NTM: variants seen among roughly 807,000 people sequenced by gnomAD.
NTM encodes neurotrimin, also known as IgLON family member 2.
In NTM, 13 loss-of-function variants were observed where a neutral mutation model predicts 42.1. The observed-to-expected ratio is 0.31, with a 90% CI of 0.20 to 0.49. NTM has a LOEUF of 0.49. Among genes scored for constraint, NTM ranks in the 20% least tolerant of loss-of-function variants. NTM has a pLI of 0.99. For missense variants in NTM, 373 were observed against 452.8 expected, an observed-to-expected ratio of 0.82 and a Z score of 1.60; for synonymous variants, 187 against 179.2, an observed-to-expected ratio of 1.04 and a Z score of -0.35.
intron 2 of NTM, among the ~76,000 whole-genome samples, chr11:132,074,816 C>T (rs921186256): frequency 4.6e-5 from 7 of 152,068 alleles, no homozygotes; most frequent in African/African-American, 1.7e-4. Flanking sequence ...AAAAATAATA[C>T]AGTATGTAGT....
At chr11:132,237,549 C>T (rs780200111) in intron 4 of NTM, among the ~76,000 whole-genome samples, 1 of 152,140 alleles carries the variant, frequency 6.6e-6, no homozygotes, top group Non-Finnish European at 1.5e-5. Context: ...CGTTTTCAGC[C>T]CGTTTGTGGA....
At chr11:131,665,712 A>G (rs1201438455) in intron 1 of NTM, among the ~76,000 whole-genome samples, 2 of 152,232 alleles carry the variant, frequency 1.3e-5, no homozygotes, top group East Asian at 3.8e-4. Context: ...GCAAACTAAC[A>G]AAGTCACAAA....
chr11:131,531,389 C>T (rs1158494687), intron 1 of NTM, among the ~76,000 whole-genome samples: 1 of 152,168 alleles, frequency 6.6e-6, no homozygotes, highest in Non-Finnish European at 1.5e-5. Flanking sequence ...CTCAAGTGAT[C>T]CTCCTGCCTC....
intron 1 of NTM, among the ~76,000 whole-genome samples, chr11:131,753,156 G>A (rs1401640107): frequency 6.6e-6 from 1 of 152,204 alleles, no homozygotes; most frequent in East Asian, 1.9e-4. Flanking sequence ...ACCATCACTG[G>A]CCATCAGAGA....
chr11:131,593,617 C>A (rs1305723367), intron 1 of NTM, among the ~76,000 whole-genome samples: 1 of 152,236 alleles, frequency 6.6e-6, no homozygotes, highest in East Asian at 1.9e-4. Flanking sequence ...ACCTCTGCTT[C>A]ATAGATGAGA....
intron 2 of NTM, among the ~76,000 whole-genome samples, chr11:132,103,361 A>G (rs1423832641): frequency 2.0e-5 from 3 of 152,212 alleles, no homozygotes; most frequent in African/African-American, 4.8e-5. Flanking sequence ...TTGCGCTGGC[A>G]TTTCTAATCT....
chr11:132,243,041 C>T (rs746633744), intron 4 of NTM, among the ~76,000 whole-genome samples: 6 of 152,262 alleles, frequency 3.9e-5, no homozygotes, highest in Non-Finnish European at 5.9e-5. Flanking sequence ...TTTAAGAAGA[C>T]GCTGCAGAGT....
chr11:132,308,662 G>C (rs1485375125), intron 5 of NTM, among the ~76,000 whole-genome samples: 1 of 151,914 alleles, frequency 6.6e-6, no homozygotes, highest in Non-Finnish European at 1.5e-5. Context: ...GTGGAGTTAG[G>C]AGAAGGATAC....
intron 2 of NTM, among the ~76,000 whole-genome samples, chr11:132,107,396 G>C: frequency 7.4e-6 from 1 of 134,316 alleles, no homozygotes; most frequent in Non-Finnish European, 1.5e-5. Context: ...TGTTGCCTAG[G>C]CTGGAGTACA....
chr11:131,646,569 T>C (rs2065798024), intron 1 of NTM, among the ~76,000 whole-genome samples: 1 of 152,354 alleles, frequency 6.6e-6, no homozygotes, highest in Middle Eastern at 3.4e-3. Flanking sequence ...TCCAGATTTT[T>C]TATTGTGCTC....
intron 2 of NTM, among the ~76,000 whole-genome samples, chr11:132,083,747 A>G (rs1288435243): frequency 6.6e-6 from 1 of 152,214 alleles, no homozygotes; most frequent in African/African-American, 2.4e-5. Flanking sequence ...AGTGTCTCCA[A>G]TTGCATCCTC....
At chr11:131,570,005 C>T (rs2057303092) in intron 1 of NTM, among the ~76,000 whole-genome samples, 1 of 152,192 alleles carries the variant, frequency 6.6e-6, no homozygotes, top group South Asian at 2.1e-4. Context: ...GCCTGTGGTC[C>T]CCACTCAGGG....
chr11:131,997,055 G>T (rs1332935773), intron 2 of NTM, among the ~76,000 whole-genome samples: 2 of 152,192 alleles, frequency 1.3e-5, no homozygotes, highest in Non-Finnish European at 2.9e-5. Flanking sequence ...CTCCTGGGCT[G>T]GCTGCTAGGC....
chr11:132,310,258 AC>A (rs748135701), intron 6 of NTM, 26 bp downstream of exon 6: 34 of 1,548,684 alleles, frequency 2.2e-5, no homozygotes, highest in Non-Finnish European at 2.6e-5. Flanking sequence ...TTCCTATCCC[AC>A]CCCTACCCCC....
At chr11:131,400,281 C>T (rs1175888191) in intron 1 of NTM, among the ~76,000 whole-genome samples, 1 of 152,212 alleles carries the variant, frequency 6.6e-6, no homozygotes, top group African/African-American at 2.4e-5. Flanking sequence ...AGCTCAGTGT[C>T]TGTTCCCACT....
intron 5 of NTM, among the ~76,000 whole-genome samples, chr11:132,308,109 T>G (rs1283851976): frequency 6.6e-6 from 1 of 152,222 alleles, no homozygotes; most frequent in Non-Finnish European, 1.5e-5. Context: ...CAGCTCATAA[T>G]TTTTTAAACA....
chr11:132,253,150 T>C (rs912680451), intron 4 of NTM, among the ~76,000 whole-genome samples: 3 of 152,244 alleles, frequency 2.0e-5, no homozygotes, highest in Non-Finnish European at 4.4e-5. Flanking sequence ...ACACATGCCA[T>C]GTCCTGGAGC....
At chr11:131,911,390 C>A in intron 1 of NTM, 174 bp from the exon 2 acceptor site, 1 of 1,584,314 alleles carries the variant, frequency 6.3e-7, no homozygotes, top group South Asian at 1.2e-5. Flanking sequence ...TCAGTCCCCG[C>A]GCTCGCTCCG....
At chr11:131,985,920 G>C (rs147801251) in intron 2 of NTM, among the ~76,000 whole-genome samples, 163 of 152,282 alleles carry the variant, frequency 1.1e-3, no homozygotes, top group African/African-American at 3.8e-3. Context: ...AGTGTTCCAC[G>C]AGTGTTTGCT....
Sources: gnomAD v4.1 joint callset for allele counts (sites outside exome capture counted in the v4.1 genomes callset) on GRCh38, gnomAD v4.1.1 for gene constraint, MANE v1.5 for transcripts, NCBI Gene and HGNC (gene_info 2026-07-23, HGNC 2026-07-21) for gene names.